The following GABRA2 variants were observed in gnomAD, a reference collection of about 807,000 sequenced individuals.
GABRA2 encodes gamma-aminobutyric acid type A receptor subunit alpha2, also known as gamma-aminobutyric acid receptor subunit alpha-2.
A neutral mutation model predicts 48.7 loss-of-function variants in GABRA2; 16 were observed. The ratio of observed to expected loss-of-function variants is 0.33; its 90% confidence interval spans 0.22 to 0.50. The LOEUF is 0.50. Ranked by LOEUF, GABRA2 falls within the 20% of genes least tolerant of loss-of-function variation. The probability of loss-of-function intolerance (pLI) is 0.98; values close to 1 mark genes in which losing one functional copy is unlikely to be tolerated. For missense variants in GABRA2, 275 were observed against 535.6 expected, an observed-to-expected ratio of 0.51 and a Z score of 4.80; for synonymous variants, 185 against 184.5, an observed-to-expected ratio of 1.00 and a Z score of -0.02.
chr4:46,273,793 C>T lies in GABRA2; in HGVS notation c.857-11665G>A, dbSNP rs568470706. On this transcript the variant is annotated intron_variant, in intron 8 of 9. Coordinates refer to ENST00000381620, the MANE Select transcript of GABRA2 (RefSeq NM_000807.4). ...CCATATTTAAGGTGTTGGCCATGAT[C>T]CTGAGGTTCAGGAAGGCTTGCCAAC... is the stretch of plus-strand genomic sequence containing the variant. Among the ~76,000 whole-genome samples, 100 of 152,018 alleles carry T rather than the reference C, an allele frequency of 6.6e-4. 2 individuals are homozygous for T. The highest frequency in any genetic ancestry group is 2.4e-3 in the African/African-American group (98 of 41,492).
At chr4:46,257,005 TA>T (rs1349443693) in intron 9 of GABRA2, among the ~76,000 whole-genome samples, 1 of 151,626 alleles carries the variant, frequency 6.6e-6, no homozygotes, top group Non-Finnish European at 1.5e-5. Context: ...CTCAAGGAAT[TA>T]AAGTAAATAC....
At chr4:46,330,143 A>G (rs1362278723) in intron 4 of GABRA2, among the ~76,000 whole-genome samples, 3 of 152,104 alleles carry the variant, frequency 2.0e-5, no homozygotes, top group Non-Finnish European at 2.9e-5. Context: ...ATTCCACTCA[A>G]TGCAACCTAT....
intron 8 of GABRA2, among the ~76,000 whole-genome samples, chr4:46,275,139 G>A (rs1262353629): frequency 2.7e-4 from 41 of 152,024 alleles, no homozygotes; most frequent in Admixed American, 2.7e-3. Context: ...AATCTCTTCT[G>A]AGTGGATTCA....
intron 3 of GABRA2, chr4:46,369,040 C>CA: frequency 1.4e-6 from 1 of 696,600 alleles, no homozygotes; most frequent in Non-Finnish European, 2.6e-6. Context: ...AGATGCTGAG[C>CA]AAAATAATTA....
chr4:46,359,424 G>A (rs1337011486), intron 3 of GABRA2, among the ~76,000 whole-genome samples: 1 of 151,942 alleles, frequency 6.6e-6, no homozygotes, highest in Non-Finnish European at 1.5e-5. Flanking sequence ...GATACTATCA[G>A]CCCCTTCTAA....
chr4:46,359,382 C>A (rs771094283), intron 3 of GABRA2, among the ~76,000 whole-genome samples: 1 of 152,198 alleles, frequency 6.6e-6, no homozygotes, highest in Non-Finnish European at 1.5e-5. Flanking sequence ...TCATTATAAT[C>A]ATTATACTCA....
intron 3 of GABRA2, among the ~76,000 whole-genome samples, chr4:46,370,492 A>G (rs1714719878): frequency 6.6e-6 from 1 of 152,148 alleles, no homozygotes; most frequent in Non-Finnish European, 1.5e-5. Context: ...GAAGTAAAAG[A>G]GCTTTGAAGA....
chr4:46,341,113 C>T (rs1446946315), intron 3 of GABRA2, among the ~76,000 whole-genome samples: 1 of 151,848 alleles, frequency 6.6e-6, no homozygotes, highest in African/African-American at 2.4e-5. Flanking sequence ...TCATTATTCT[C>T]TTTCGGAGAG....
rs1057228910 is a variant in GABRA2 at position 46,305,659 on chromosome 4, A to G, written c.612T>C (p.Asp204=). Reference sequence around the variant, plus strand: ...AGCCATCAGGAGCAACCTGTACTGAATCAGATGCATTGTAAGTCCAAATAT... The same window carrying G: ...AGCCATCAGGAGCAACCTGTACTGAGTCAGATGCATTGTAAGTCCAAATAT... ...VTYIWTYNAS[D]SVQVAPDGSR... The change falls in exon 7 of 10, where the codon GAT becomes GAC. Residue 204 remains aspartate (D), a synonymous_variant. Coordinates refer to ENST00000381620, the MANE Select transcript of GABRA2 (RefSeq NM_000807.4). 1 of 1,613,232 alleles carries G rather than the reference A, an allele frequency of 6.2e-7. No individual in the cohort carries two copies. Among genetic ancestry groups the G allele is most frequent in the Non-Finnish European group, 8.5e-7 (1 of 1,179,342 alleles).
At chr4:46,335,609 G>A (rs897175683) in intron 3 of GABRA2, among the ~76,000 whole-genome samples, 5 of 152,128 alleles carry the variant, frequency 3.3e-5, no homozygotes, top group Admixed American at 2.0e-4. Flanking sequence ...AAGTAACTGG[G>A]ACTACAGACG....
chr4:46,265,881 A>G (rs1718112518), intron 8 of GABRA2, among the ~76,000 whole-genome samples: 1 of 151,832 alleles, frequency 6.6e-6, no homozygotes, highest in Non-Finnish European at 1.5e-5. Flanking sequence ...TTTTGTTTCC[A>G]TTCATCTTAT....
Position 46,367,563 on chromosome 4 carries a change from C to G in GABRA2, c.187+18511G>C, listed in dbSNP as rs542332508. The G allele has an allele frequency of 2.0e-5, 3 of 152,026 alleles. No individual in the cohort carries two copies. The South Asian group carries it at 6.2e-4, about 31-fold the overall frequency. 9.4% of individuals were successfully genotyped at this position (152,026 alleles called of 1,614,324 possible). On this transcript the variant is annotated intron_variant, in intron 3 of 9. Transcript: ENST00000381620. ...TGGCAAACCTCTTTATTCCTGGGAG[C>G]TTTGGAAAAAGGGCATACAGCACTG...
intron 8 of GABRA2, among the ~76,000 whole-genome samples, chr4:46,284,901 G>A (rs180861676): frequency 6.6e-6 from 1 of 151,778 alleles, no homozygotes; most frequent in Non-Finnish European, 1.5e-5. Context: ...AAGTGCAGGA[G>A]ATTTAATTAT....
Position 46,356,498 on chromosome 4 carries a change from C to T in GABRA2, c.188-23816G>A, listed in dbSNP as rs117650434. On this transcript the variant is annotated intron_variant, in intron 3 of 9. Transcript: ENST00000381620. The stretch of plus-strand genomic sequence containing the variant: ...ACATGTATAGTATCTAACAGCTCAT[C>T]TCTTTGATGTTTATCAAGCAATTAC... 1.3e-3 allele frequency among the ~76,000 whole-genome samples: 195 copies of T among 151,002 alleles called. 3 individuals carry two copies. The East Asian group carries it at 0.026, about 20-fold the overall frequency.
rs56201706 is a variant in GABRA2 at position 46,297,476 on chromosome 4, CATATATATATATATAT to C, written c.856+5968_856+5983del. ...GAGTTAATACTACTTAATAAAATCC[CATATATATATATATAT>C]ATATATATATATATATATATATATG... is the stretch of plus-strand genomic sequence containing the variant. On this transcript the variant is annotated intron_variant, in intron 8 of 9. Transcript: ENST00000381620. Among the ~76,000 whole-genome samples, 105 of 87,916 alleles carry C rather than the reference CATATATATATATATAT, an allele frequency of 1.2e-3. 7 individuals carry two copies. The highest frequency in any genetic ancestry group is 6.3e-3 in the Middle Eastern group (1 of 160). 57.7% of individuals were successfully genotyped at this position (87,916 alleles called of 152,430 possible). A position where few individuals can be genotyped will look rare whatever the true frequency, so the allele number is the denominator to read the frequency against.
At chr4:46,361,530 C>G (rs1713184114) in intron 3 of GABRA2, among the ~76,000 whole-genome samples, 1 of 152,178 alleles carries the variant, frequency 6.6e-6, no homozygotes, top group African/African-American at 2.4e-5. Context: ...AGGGGCAGGG[C>G]CCTCATGGAG....
At chr4:46,313,904 T>C (rs1309870867) in intron 4 of GABRA2, among the ~76,000 whole-genome samples, 1 of 152,088 alleles carries the variant, frequency 6.6e-6, no homozygotes, top group East Asian at 1.9e-4. Context: ...TACTATAAAA[T>C]AGAAAATCAT....
chr4:46,309,955 T>C, intron 6 of GABRA2, among the ~76,000 whole-genome samples: 1 of 152,196 alleles, frequency 6.6e-6, no homozygotes. Context: ...AAACACATAG[T>C]AGTAAAAATA....
intron 8 of GABRA2, among the ~76,000 whole-genome samples, chr4:46,291,177 T>TC (rs2109535304): frequency 6.6e-6 from 1 of 152,302 alleles, no homozygotes; most frequent in Admixed American, 6.5e-5. Flanking sequence ...CTAAAAATAT[T>TC]TGGTAGAATT....
Sources: gnomAD v4.1 joint callset for allele counts (sites outside exome capture counted in the v4.1 genomes callset) on GRCh38, gnomAD v4.1.1 for gene constraint, MANE v1.5 for transcripts, NCBI Gene and HGNC (gene_info 2026-07-23, HGNC 2026-07-21) for gene names.